The following FCHO2 variants were observed in gnomAD, a reference collection of about 807,000 sequenced individuals.
FCHO2 encodes the protein FCH and mu domain containing endocytic adaptor 2, also known as F-BAR domain only protein 2.
A neutral mutation model predicts 114.1 loss-of-function variants in FCHO2; 43 were observed. That is an observed-to-expected ratio of 0.38 (90% CI 0.30 to 0.49). The LOEUF is 0.49. Ranked by LOEUF, FCHO2 falls within the 20% of genes least tolerant of loss-of-function variation. The probability of loss-of-function intolerance (pLI) is 0.97; values close to 1 mark genes in which losing one functional copy is unlikely to be tolerated. For missense variants in FCHO2, 807 were observed against 950.4 expected (o/e 0.85, Z 1.98); for synonymous variants, 293 against 315.2 (o/e 0.93, Z 0.75).
At position 73,080,913 on chromosome 5, in the gene FCHO2, C is replaced by T. The variant is rs112579416; in HGVS notation, c.1981-870C>T. On this transcript the variant is annotated intron_variant, in intron 22 of 25. Transcript: ENST00000430046. Reference sequence around the variant, plus strand: ...ATTGCTTGAGCCCAGGAGTTCAAGACCAGTCTGGGCAATAAAAAGAAACCC... The same window carrying T: ...ATTGCTTGAGCCCAGGAGTTCAAGATCAGTCTGGGCAATAAAAAGAAACCC... Among the ~76,000 whole-genome samples, 1,162 of 152,174 alleles carry T rather than the reference C, an allele frequency of 7.6e-3. 13 individuals are homozygous for T. Among genetic ancestry groups the T allele is most frequent in the African/African-American group, 0.027 (1,113 of 41,504 alleles).
chr5:73,067,927 A>C (rs949360494), intron 18 of FCHO2, among the ~76,000 whole-genome samples: 1 of 152,036 alleles, frequency 6.6e-6, no homozygotes, highest in African/African-American at 2.4e-5. Context: ...TATATTTTTT[A>C]TATTTGTTTT....
chr5:73,036,458 C>G (rs761551333), intron 9 of FCHO2, among the ~76,000 whole-genome samples: 15 of 151,998 alleles, frequency 9.9e-5, no homozygotes, highest in Non-Finnish European at 1.9e-4. Context: ...ACTGCAGCCT[C>G]CATCTCCTGG....
intron 17 of FCHO2, among the ~76,000 whole-genome samples, chr5:73,061,384 A>G (rs1188945052): frequency 6.6e-6 from 1 of 152,112 alleles, no homozygotes; most frequent in African/African-American, 2.4e-5. Context: ...CTAGTTTCAA[A>G]TAATTAAAAC....
intron 10 of FCHO2, chr5:73,037,924 A>G (rs1327431889): frequency 1.7e-5 from 5 of 302,344 alleles, no homozygotes; most frequent in South Asian, 1.3e-4. Flanking sequence ...ACATCTGGCT[A>G]ATTTTTTGTA....
chr5:72,968,088 C>G (rs1306727176), intron 1 of FCHO2, among the ~76,000 whole-genome samples: 2 of 151,546 alleles, frequency 1.3e-5, no homozygotes, highest in East Asian at 3.9e-4. Context: ...CCACGCCCGG[C>G]TAATTTTTTG....
At chr5:72,991,795 A>G (rs566731238) in intron 5 of FCHO2, among the ~76,000 whole-genome samples, 2 of 152,362 alleles carry the variant, frequency 1.3e-5, no homozygotes, top group East Asian at 3.9e-4. Context: ...TATGATTATG[A>G]CTATAAAACA....
chr5:73,030,770 T>A (rs971012646), intron 8 of FCHO2, among the ~76,000 whole-genome samples: 1 of 152,196 alleles, frequency 6.6e-6, no homozygotes, highest in Non-Finnish European at 1.5e-5. Flanking sequence ...TCCAGGTGAT[T>A]CTCATACATA....
intron 6 of FCHO2, among the ~76,000 whole-genome samples, chr5:73,010,532 CT>C (rs1022579865): frequency 3.9e-4 from 59 of 152,166 alleles, no homozygotes; most frequent in African/African-American, 1.4e-3. Flanking sequence ...CAGGGATACA[CT>C]TTAAGAAATG....
rs1054901531 is a variant in FCHO2 at position 73,090,216 on chromosome 5, TTTTTCCATTTAAAA to T, written c.*2127_*2140del. ...GCCATATGAGTTTATATTGATTTTT[TTTTTCCATTTAAAA>T]ATCCACTAATGGTGTAAAAGAGACC... On this transcript the variant is annotated 3_prime_UTR_variant, in exon 26 of 26. Transcript: ENST00000430046. 7.9e-5 allele frequency: 12 copies of T among 152,618 alleles called. No homozygotes were observed. The highest frequency in any genetic ancestry group is 1.8e-4 in the Non-Finnish European group (12 of 68,012). The allele number at this position is 152,618 out of a possible 1,614,324, so 9.5% of individuals were successfully genotyped here.
Position 73,039,656 on chromosome 5 carries a change from G to A in FCHO2, c.915-1635G>A, listed in dbSNP as rs780303341. Among the ~76,000 whole-genome samples, 4 of 148,804 alleles carry A rather than the reference G, an allele frequency of 2.7e-5. No homozygotes were observed. In the East Asian group the frequency reaches 8.3e-4, roughly 31 times the overall value. ...GAAAGTCACCTGGGGGGCCAGGCCCGGTGGCTCATGCCTGTAAACCCAGCA... is the reference window on the plus strand; with the variant it reads ...GAAAGTCACCTGGGGGGCCAGGCCCAGTGGCTCATGCCTGTAAACCCAGCA... On this transcript the variant is annotated intron_variant, in intron 10 of 25. Coordinates refer to ENST00000430046, the MANE Select transcript of FCHO2 (RefSeq NM_138782.3).
rs899883146 is a variant in FCHO2, at chr5:73,089,579, C to T, written c.*1489C>T. The stretch of plus-strand genomic sequence containing the variant: ...GATTAATTGAAGAAATAAAATATTT[C>T]GGATAAGGTTTCATAATTTACAAAT... On this transcript the variant is annotated 3_prime_UTR_variant, in exon 26 of 26. Transcript: ENST00000430046. 4 of 152,476 alleles carry T rather than the reference C, an allele frequency of 2.6e-5. No homozygotes were observed. The highest frequency in any genetic ancestry group is 1.9e-4 in the East Asian group (1 of 5,178). The allele number at this position is 152,476 out of a possible 1,614,324, so 9.4% of individuals were successfully genotyped here.
chr5:73,014,382 G>A (rs1174825778), intron 6 of FCHO2, among the ~76,000 whole-genome samples: 2 of 149,578 alleles, frequency 1.3e-5, no homozygotes, highest in East Asian at 2.0e-4. Flanking sequence ...CCTGCCTCCC[G>A]GGTTCAAGCG....
At chr5:73,043,584 A>G (rs1353916232) in intron 11 of FCHO2, among the ~76,000 whole-genome samples, 1 of 152,192 alleles carries the variant, frequency 6.6e-6, no homozygotes, top group African/African-American at 2.4e-5. Context: ...AAAAAACTGG[A>G]AACATCAAAG....
chr5:72,956,055 G>C lies in FCHO2; in HGVS notation c.-42G>C. On this transcript the variant is annotated 5_prime_UTR_variant, in exon 1 of 26. Coordinates refer to ENST00000430046, the MANE Select transcript of FCHO2 (RefSeq NM_138782.3). Reference sequence around the variant, plus strand: ...GGGGCCGGGCCGTGTTTACACAGCGGCGGGCGGGCGCGGACGCGGAACCCG... The same window carrying C: ...GGGGCCGGGCCGTGTTTACACAGCGCCGGGCGGGCGCGGACGCGGAACCCG... 1 of 1,537,736 alleles carries C rather than the reference G, an allele frequency of 6.5e-7. No individual in the cohort carries two copies. The highest frequency in any genetic ancestry group is 8.8e-7 in the Non-Finnish European group (1 of 1,141,258).
At chr5:72,988,503 G>A (rs1182937522) in intron 2 of FCHO2, among the ~76,000 whole-genome samples, 2 of 152,138 alleles carry the variant, frequency 1.3e-5, no homozygotes, top group African/African-American at 4.8e-5. Flanking sequence ...AGGATAATTT[G>A]TGTCTTTTAG....
intron 5 of FCHO2, among the ~76,000 whole-genome samples, chr5:72,992,230 TG>T (rs1753848585): frequency 6.6e-6 from 1 of 152,102 alleles, no homozygotes; most frequent in Non-Finnish European, 1.5e-5. Flanking sequence ...AAAATGAATT[TG>T]GAGCAATATA....
chr5:73,073,715 C>T lies in FCHO2; in HGVS notation c.1580-1027C>T, dbSNP rs368674933. On this transcript the variant is annotated intron_variant, in intron 19 of 25. Coordinates refer to ENST00000430046, the MANE Select transcript of FCHO2 (RefSeq NM_138782.3). ...TGATTTTTATCAGAATTAATATTTA[C>T]GGTATCTCAGAGGTAATTCATTGTT... Among the ~76,000 whole-genome samples the T allele has an allele frequency of 9.7e-4, 147 of 152,066 alleles. 1 individual carries two copies. Among genetic ancestry groups the T allele is most frequent in the African/African-American group, 3.1e-3 (129 of 41,490 alleles).
intron 5 of FCHO2, chr5:72,997,578 C>A: frequency 7.5e-7 from 1 of 1,329,830 alleles, no homozygotes. Flanking sequence ...ATGCTGGATG[C>A]CCTCAGGTTC....
chr5:72,998,927 A>G (rs1286189444), intron 5 of FCHO2, among the ~76,000 whole-genome samples: 2 of 151,330 alleles, frequency 1.3e-5, no homozygotes, highest in Non-Finnish European at 2.9e-5. Context: ...TGCTGGGTGC[A>G]AGCGATCACC....
Sources: allele counts gnomAD v4.1 joint callset (sites outside exome capture counted in the v4.1 genomes callset), GRCh38; gene constraint gnomAD v4.1.1; transcripts MANE v1.5; gene names NCBI Gene and HGNC (gene_info 2026-07-23, HGNC 2026-07-21).